ERLIN1: variants seen among roughly 807,000 people sequenced by gnomAD.
ERLIN1 encodes ER lipid raft associated 1.
ERLIN1 carries 24 observed loss-of-function variants against 46.9 expected under a neutral mutation model. The observed-to-expected ratio is 0.51, with a 90% CI of 0.37 to 0.72. The LOEUF (loss-of-function observed/expected upper bound fraction) is 0.72. Ranked by LOEUF, ERLIN1 falls within the 30% of genes least tolerant of loss-of-function variation. The pLI, the probability that ERLIN1 is intolerant of heterozygous loss-of-function variation, is 0.00. For missense variants in ERLIN1, 293 were observed against 417.9 expected, an observed-to-expected ratio of 0.70 and a Z score of 2.61; for synonymous variants, 158 against 143.2, an observed-to-expected ratio of 1.10 and a Z score of -0.74.
intron 2 of ERLIN1, among the ~76,000 whole-genome samples, chr10:100,179,936 T>C (rs561381781): frequency 4.0e-4 from 61 of 152,356 alleles, no homozygotes; most frequent in African/African-American, 1.4e-3. Flanking sequence ...ATTCCACTGC[T>C]AATATTACTA....
At chr10:100,166,241 A>G (rs905731249) in intron 7 of ERLIN1, among the ~76,000 whole-genome samples, 1 of 152,124 alleles carries the variant, frequency 6.6e-6, no homozygotes, top group Non-Finnish European at 1.5e-5. Flanking sequence ...GCAACAGGGC[A>G]AAACTCCGTC....
Position 100,154,913 on chromosome 10 carries a change from C to T in ERLIN1, c.772G>A (p.Ala258Thr). ...EDAAFLAREK[A>T]KADAEYYAAH... Reference sequence around the variant, plus strand: ...GCATAATATTCAGCATCTGCTTTCGCTTTCTCTCGGGCCAGGAATGCAGCA... The same window carrying T: ...GCATAATATTCAGCATCTGCTTTCGTTTTCTCTCGGGCCAGGAATGCAGCA... Residue 258 changes from alanine to threonine, a missense_variant, in exon 10 of 11, where the codon GCG becomes ACG. Transcript: ENST00000421367. 6.2e-7 allele frequency: 1 copy of T among 1,613,964 alleles called. No individual in the cohort carries two copies. The highest frequency in any genetic ancestry group is 8.5e-7 in the Non-Finnish European group (1 of 1,179,864).
intron 5 of ERLIN1, among the ~76,000 whole-genome samples, chr10:100,175,499 C>A (rs1027537000): frequency 1.3e-5 from 2 of 152,280 alleles, no homozygotes; most frequent in East Asian, 3.9e-4. Flanking sequence ...CTCTTGGAAG[C>A]CTGCACCTGC....
intron 9 of ERLIN1, 128 bp downstream of exon 9, chr10:100,156,017 G>A: frequency 3.4e-6 from 2 of 581,430 alleles, no homozygotes; most frequent in Non-Finnish European, 3.1e-6. Context: ...TATCAGGCCA[G>A]CTATTTCCTC....
At position 100,174,429 on chromosome 10, in the gene ERLIN1, T is replaced by G. The variant is rs553674076; in HGVS notation, c.431-148A>C. On this transcript the variant is annotated intron_variant, in intron 5 of 10. Transcript: ENST00000421367. ...GCTTAAACTGCCTTTTCTTCCCTTT[T>G]GTGTGGGAAAAAAATTGCAAGGAAT... The G allele has an allele frequency of 3.9e-5, 23 of 588,324 alleles. No homozygotes were observed. The East Asian group carries it at 6.1e-4, about 16-fold the overall frequency. The allele number at this position is 588,324 out of a possible 1,614,324, so 36.4% of individuals were successfully genotyped here.
intron 6 of ERLIN1, among the ~76,000 whole-genome samples, chr10:100,172,815 A>G (rs1450476869): frequency 3.3e-5 from 5 of 152,222 alleles, no homozygotes; most frequent in Non-Finnish European, 7.3e-5. Flanking sequence ...AATAGCAAAA[A>G]ACTGGGAACA....
Position 100,152,269 on chromosome 10 carries a change from G to A in ERLIN1, c.909C>T (p.Ile303=), listed in dbSNP as rs1480145243. The A allele has an allele frequency of 9.9e-6, 16 of 1,612,206 alleles. No individual in the cohort carries two copies. Among genetic ancestry groups the A allele is most frequent in the Non-Finnish European group, 1.4e-5 (16 of 1,178,342 alleles). ...SNSKIYFGSN[I]PNMFVDSSCA... ...ATGAGGAGTCCACGAACATGTTAGG[G>A]ATGTTGCTGCCAAAATAGATCTTAC... is the stretch of plus-strand genomic sequence containing the variant. Residue 303 remains isoleucine, a synonymous_variant, in exon 11 of 11, where the codon ATC becomes ATT. Transcript: ENST00000421367.
chr10:100,161,565 T>C (rs1843365375), intron 8 of ERLIN1, among the ~76,000 whole-genome samples: 1 of 152,150 alleles, frequency 6.6e-6, no homozygotes, highest in Non-Finnish European at 1.5e-5. Flanking sequence ...GGTTCTAAAA[T>C]TCATGTGGAT....
At chr10:100,185,388 C>G in intron 1 of ERLIN1, 126 bp downstream of exon 1, 1 of 703,742 alleles carries the variant, frequency 1.4e-6, no homozygotes, top group Non-Finnish European at 2.5e-6. Context: ...GCTTCGACCC[C>G]CGTGCTCTCC....
At chr10:100,177,611 C>T (rs776824833) in intron 4 of ERLIN1, among the ~76,000 whole-genome samples, 14 of 152,232 alleles carry the variant, frequency 9.2e-5, no homozygotes, top group South Asian at 4.1e-4. Context: ...GCATATAAGA[C>T]GGTATATCTT....
intron 2 of ERLIN1, among the ~76,000 whole-genome samples, chr10:100,179,585 T>TAGCTGGGATTAC (rs1289075663): frequency 6.6e-6 from 1 of 151,972 alleles, no homozygotes; most frequent in African/African-American, 2.4e-5. Flanking sequence ...GCCTCCCAAG[T>TAGCTGGGATTAC]AGCTGGGATT....
intron 6 of ERLIN1, among the ~76,000 whole-genome samples, chr10:100,172,786 GT>G (rs1844077042): frequency 6.6e-6 from 1 of 152,178 alleles, no homozygotes; most frequent in Non-Finnish European, 1.5e-5. Flanking sequence ...TGTCATGAAT[GT>G]TCATTACACT....
Position 100,156,221 on chromosome 10 carries a change from A to G in ERLIN1, c.669T>C (p.Ile223=), listed in dbSNP as rs148601296. 1.9e-6 allele frequency: 3 copies of G among 1,610,332 alleles called. No individual in the cohort carries two copies. Among genetic ancestry groups the G allele is most frequent in the African/African-American group, 2.7e-5 (2 of 74,878 alleles). Residue 223 remains isoleucine, a synonymous_variant, in exon 9 of 11, where the codon ATT becomes ATC. Transcript: ENST00000421367. ...RKKAVIEAEK[I]AQVAKIRFQQ... ...GAAACCGAATTTTTGCCACTTGTGCAATCTTCTCTGCTTCTATAATCATAC... is the reference window on the plus strand; with the variant it reads ...GAAACCGAATTTTTGCCACTTGTGCGATCTTCTCTGCTTCTATAATCATAC...
intron 6 of ERLIN1, among the ~76,000 whole-genome samples, chr10:100,168,676 A>G (rs1028158708): frequency 2.0e-5 from 3 of 148,898 alleles, no homozygotes; most frequent in African/African-American, 7.7e-5. Flanking sequence ...AGCGTAAAGT[A>G]GGACTTTTTT....
rs1314190027 is a variant in ERLIN1 at position 100,154,956 on chromosome 10, G to A, written c.746-17C>T. ...ATGCAGCATCTAGCAAATAAACAAA[G>A]GAAAGGTGTCAATCCATTCCCTCAG... On this transcript the variant is annotated splice_polypyrimidine_tract_variant and intron_variant, in intron 9 of 10. Transcript: ENST00000421367. 1.2e-6 allele frequency: 2 copies of A among 1,607,552 alleles called. No individual in the cohort carries two copies. The highest frequency in any genetic ancestry group is 2.2e-5 in the South Asian group (2 of 90,880).
At position 100,172,196 on chromosome 10, in the gene ERLIN1, C is replaced by T. The variant is rs191819447; in HGVS notation, c.504+2012G>A. 2.6e-5 allele frequency among the ~76,000 whole-genome samples: 4 copies of T among 152,212 alleles called. No homozygotes were observed. The East Asian group carries it at 7.7e-4, about 29-fold the overall frequency. ...CCATTAAAAGTAATGATTTACCAAA[C>T]CTATATTTTTGTTTTGGAAAGATGT... On this transcript the variant is annotated intron_variant, in intron 6 of 10. Coordinates refer to ENST00000421367, the MANE Select transcript of ERLIN1 (RefSeq NM_006459.4).
At position 100,179,338 on chromosome 10, in the gene ERLIN1, C is replaced by G. The variant is rs1844498676; in HGVS notation, c.196-91G>C. On this transcript the variant is annotated intron_variant, in intron 2 of 10. Transcript: ENST00000421367. ...AGGCAAATCTCTGGAAAGCTGCTGA[C>G]AGTAAGTACAGCAGAGATCCATCAC... 5.7e-5 allele frequency: 46 copies of G among 807,730 alleles called. 1 individual carries two copies. In the South Asian group the frequency reaches 6.7e-4, roughly 12 times the overall value. The allele number at this position is 807,730 out of a possible 1,614,324, so 50.0% of individuals were successfully genotyped here.
At chr10:100,156,904 A>G (rs1336962978) in intron 8 of ERLIN1, among the ~76,000 whole-genome samples, 1 of 152,140 alleles carries the variant, frequency 6.6e-6, no homozygotes, top group Non-Finnish European at 1.5e-5. Context: ...AGTCCCAGCT[A>G]CACAGGAGGC....
chr10:100,185,534 G>A lies in ERLIN1; in HGVS notation c.93C>T (p.Gly31=), dbSNP rs765656709. The change falls in exon 1 of 11, where the codon GGC becomes GGT. Residue 31 remains glycine (G), a synonymous_variant. Coordinates refer to ENST00000421367, the MANE Select transcript of ERLIN1 (RefSeq NM_006459.4). The part of the protein sequence containing the change: ...LYASIHKIEE[G]HLAVYYRGGA... Reference sequence around the variant, plus strand: ...CTCACCTGTAGTACACAGCCAGATGGCCCTCCTCAATCTTGTGGATGGAGG... The same window carrying A: ...CTCACCTGTAGTACACAGCCAGATGACCCTCCTCAATCTTGTGGATGGAGG... The A allele has an allele frequency of 5.6e-6, 9 of 1,613,154 alleles. No individual in the cohort carries two copies. The highest frequency in any genetic ancestry group is 7.6e-6 in the Non-Finnish European group (9 of 1,179,226).
Sources: gnomAD v4.1 joint callset for allele counts (sites outside exome capture counted in the v4.1 genomes callset) on GRCh38, gnomAD v4.1.1 for gene constraint, MANE v1.5 for transcripts, NCBI Gene and HGNC (gene_info 2026-07-23, HGNC 2026-07-21) for gene names.